Variants in KRT14 observed in about 807,000 individuals in gnomAD.
KRT14 encodes keratin, type I cytoskeletal 14.
A neutral mutation model predicts 44.5 loss-of-function variants in KRT14; 30 were observed. The observed-to-expected ratio is 0.67, with a 90% CI of 0.50 to 0.92. The LOEUF (loss-of-function observed/expected upper bound fraction) is 0.92. KRT14 is among the 40% of genes least tolerant of loss of function. KRT14 has a pLI of 0.00. For synonymous variants in KRT14, 241 were observed against 257.6 expected, an observed-to-expected ratio of 0.94 and a Z score of 0.62; for missense variants, 535 against 640.6, an observed-to-expected ratio of 0.84 and a Z score of 1.78.
chr17:41,586,195 G>T, intron 1 of KRT14, 115 bp downstream of exon 1: 1 of 1,360,394 alleles, frequency 7.4e-7, no homozygotes, highest in Non-Finnish European at 1.0e-6. Flanking sequence ...CGAAAGAAGG[G>T]ATCTGGGGTG....
chr17:41,582,699 C>A lies in KRT14; in HGVS notation c.1322-167G>T, dbSNP rs1907375395. ...TGCCCAAGCACTGATACCATCAACA[C>A]ATTTCTTTCAGACGAGGGCTCCCAA... is the stretch of plus-strand genomic sequence containing the variant. On this transcript the variant is annotated intron_variant, in intron 7 of 7. Coordinates refer to ENST00000167586, the MANE Select transcript of KRT14 (RefSeq NM_000526.5). The A allele has an allele frequency of 1.7e-5, 11 of 660,946 alleles. No homozygotes were observed. In the South Asian group the frequency reaches 1.9e-4, roughly 12 times the overall value. The allele number at this position is 660,946 out of a possible 1,614,324, so 40.9% of individuals were successfully genotyped here.
At chr17:41,584,708 A>C (rs1212564333) in intron 2 of KRT14, among the ~76,000 whole-genome samples, 1 of 152,154 alleles carries the variant, frequency 6.6e-6, no homozygotes, top group East Asian at 1.9e-4. Flanking sequence ...CCTATACTTC[A>C]AGGGCAGCTG....
chr17:41,583,324 G>A lies in KRT14; in HGVS notation c.1185C>T (p.Asn395=). Reference sequence around the variant, plus strand: ...CGTCCAGCAGGATCTTGTACTCCTGGTTCTGCTGCTCCATCTCGCAGCGGA... The same window carrying A: ...CGTCCAGCAGGATCTTGTACTCCTGATTCTGCTGCTCCATCTCGCAGCGGA... ...AQLRCEMEQQ[N]QEYKILLDVK... is the part of the protein sequence containing the mutation. The change falls in exon 6 of 8, where the codon AAC becomes AAT. Residue 395 remains asparagine (N), a synonymous_variant. Coordinates refer to ENST00000167586, the MANE Select transcript of KRT14 (RefSeq NM_000526.5). 6.2e-7 allele frequency: 1 copy of A among 1,613,764 alleles called. No individual in the cohort carries two copies. Among genetic ancestry groups the A allele is most frequent in the Admixed American group, 1.7e-5 (1 of 60,026 alleles).
At chr17:41,585,933 G>C (rs1464261091) in intron 1 of KRT14, among the ~76,000 whole-genome samples, 1 of 152,240 alleles carries the variant, frequency 6.6e-6, no homozygotes, top group Non-Finnish European at 1.5e-5. Flanking sequence ...CCCCTGTGCT[G>C]GAGAACAAGT....
chr17:41,583,200 G>C (rs753918072), intron 6 of KRT14, 35 bp downstream of exon 6: 3 of 1,599,180 alleles, frequency 1.9e-6, no homozygotes, highest in Admixed American at 3.4e-5. Context: ...AGAGTGCCAT[G>C]GGGGGGGCGG....
rs773920224 is a variant in KRT14 at position 41,583,365 on chromosome 17, C to T, written c.1144G>A (p.Glu382Lys). 2.1e-5 allele frequency: 34 copies of T among 1,613,576 alleles called. No individual in the cohort carries two copies. Among genetic ancestry groups the T allele is most frequent in the Non-Finnish European group, 2.8e-5 (33 of 1,180,012 alleles). ...TCGCAGCGGAGCTGGGCCAGCTGCT[C>T]CTCCACGCTGCCAATCATCTCCTGG... ...QIQEMIGSVE[E>K]QLAQLRCEME... The change falls in exon 6 of 8, where the codon GAG (glutamate) becomes AAG (lysine). Residue 382 changes from glutamate to lysine, a missense_variant. Glu to Lys is a moderately conservative substitution (Grantham distance 56, BLOSUM62 1). Coordinates refer to ENST00000167586, the MANE Select transcript of KRT14 (RefSeq NM_000526.5).
rs1252105996 is a variant in KRT14 at position 41,586,473 on chromosome 17, T to C, written c.362A>G (p.Asn121Ser). ...GTAGGAGGCCAGGCGGTCATTGAGG[T>C]TCTGCATGGTCACCTTCTCACTGCC... ...LVGSEKVTMQ[N>S]LNDRLASYLD... The change falls in exon 1 of 8, where the codon AAC becomes AGC. Residue 121 changes from asparagine (N) to serine (S), a missense_variant. Asn to Ser is a conservative substitution (Grantham distance 46). Transcript: ENST00000167586. 1.9e-6 allele frequency: 3 copies of C among 1,613,934 alleles called. No individual in the cohort carries two copies. Among genetic ancestry groups the C allele is most frequent in the Non-Finnish European group, 2.5e-6 (3 of 1,179,974 alleles).
At chr17:41,582,633 C>G (rs1907374103) in intron 7 of KRT14, 101 bp from the exon 8 acceptor site, 2 of 886,250 alleles carry the variant, frequency 2.3e-6, no homozygotes, top group Admixed American at 4.0e-5. Context: ...AACTGGCTCC[C>G]CATTGCCCTC....
At chr17:41,584,112 C>A in intron 3 of KRT14, 145 bp downstream of exon 3, 2 of 627,970 alleles carry the variant, frequency 3.2e-6, no homozygotes, top group Non-Finnish European at 5.3e-6. Flanking sequence ...CAGGGTCTAG[C>A]CTTGTTGCCC....
chr17:41,583,797 T>C lies in KRT14; in HGVS notation c.890A>G (p.Lys297Arg). 6.2e-7 allele frequency: 1 copy of C among 1,614,256 alleles called. No homozygotes were observed. The highest frequency in any genetic ancestry group is 8.5e-7 in the Non-Finnish European group (1 of 1,180,046). The change falls in exon 4 of 8, where the codon AAG (lysine) becomes AGG (arginine). Residue 297 changes from lysine (K) to arginine (R), a missense_variant. Physicochemically the swap from Lys to Arg is conservative, Grantham distance 26. Transcript: ENST00000167586. ...MRDQYEKMAE[K>R]NRKDAEEWFF... Reference sequence around the variant, plus strand: ...CCATTCCTCGGCATCCTTGCGGTTCTTCTCTGCCATCTTCTCATACTGGTC... The same window carrying C: ...CCATTCCTCGGCATCCTTGCGGTTCCTCTCTGCCATCTTCTCATACTGGTC...
intron 3 of KRT14, 112 bp from the exon 4 acceptor site, chr17:41,584,033 TTCTCTC>T (rs1162984156): frequency 1.0e-5 from 8 of 793,276 alleles, no homozygotes; most frequent in African/African-American, 5.8e-5. Context: ...CGACTCTCCC[TTCTCTC>T]TCTCTCTCTC....
At chr17:41,585,969 G>A (rs572124004) in intron 1 of KRT14, among the ~76,000 whole-genome samples, 1 of 152,354 alleles carries the variant, frequency 6.6e-6, no homozygotes, top group South Asian at 2.1e-4. Context: ...TGGAAGGTAG[G>A]GCACAAGGGC....
At chr17:41,585,744 T>G (rs1907504208) in intron 1 of KRT14, among the ~76,000 whole-genome samples, 1 of 152,236 alleles carries the variant, frequency 6.6e-6, no homozygotes, top group Non-Finnish European at 1.5e-5. Context: ...CCAGGCTCTC[T>G]CTGTGCAGGG....
At position 41,586,709 on chromosome 17, in the gene KRT14, G is replaced by T; in HGVS notation, c.126C>A (p.Ala42=). ...SSVLAGGSCR[A]PSTYGGGLSV... is the part of the protein sequence containing the mutation. Reference sequence around the variant, plus strand: ...ACAGGCCGCCCCCGTAGGTGCTGGGGGCGCGGCAGGACCCTCCGGCCAGGA... The same window carrying T: ...ACAGGCCGCCCCCGTAGGTGCTGGGTGCGCGGCAGGACCCTCCGGCCAGGA... Residue 42 remains alanine, a synonymous_variant, in exon 1 of 8, where the codon GCC becomes GCA. Coordinates refer to ENST00000167586, the MANE Select transcript of KRT14 (RefSeq NM_000526.5). The T allele has an allele frequency of 1.4e-5, 23 of 1,590,238 alleles. No individual in the cohort carries two copies. The highest frequency in any genetic ancestry group is 2.0e-5 in the Non-Finnish European group (23 of 1,168,940).
In KRT14 at chr17:41,582,452, G is replaced by T; in HGVS notation, c.1402C>A (p.Leu468Ile). Reference sequence around the variant, plus strand: ...GGGCAGCCTCAGTTCTTGGTGCGAAGGACCTGCTCGTGGGTGGACACCACC... The same window carrying T: ...GGGCAGCCTCAGTTCTTGGTGCGAATGACCTGCTCGTGGGTGGACACCACC... ...GKVVSTHEQV[L>I]RTKN Residue 468 changes from leucine (L) to isoleucine (I), a missense_variant, in exon 8 of 8, where the codon CTT (leucine) becomes ATT (isoleucine). Leu to Ile is a conservative substitution (Grantham distance 5). Coordinates refer to ENST00000167586, the MANE Select transcript of KRT14 (RefSeq NM_000526.5). 1.9e-6 allele frequency: 3 copies of T among 1,567,752 alleles called. No homozygotes were observed. The highest frequency in any genetic ancestry group is 2.6e-6 in the Non-Finnish European group (3 of 1,156,360).
Position 41,582,349 on chromosome 17 carries a change from G to C in KRT14, c.*86C>G. ...TGAGGGTGAAGCAGGGTCCAGCTGT[G>C]AAGTGCTTGGGCAGGAGAGGGGATC... On this transcript the variant is annotated 3_prime_UTR_variant, in exon 8 of 8. Transcript: ENST00000167586. 1 of 994,982 alleles carries C rather than the reference G, an allele frequency of 1.0e-6. No homozygotes were observed. Among genetic ancestry groups the C allele is most frequent in the East Asian group, 2.6e-5 (1 of 38,196 alleles). 61.6% of individuals were successfully genotyped at this position (994,982 alleles called of 1,614,324 possible).
chr17:41,583,220 AGGGCCAAGACTCACT>A lies in KRT14; in HGVS notation c.1274_1274+14del. The stretch of plus-strand genomic sequence containing the variant: ...GCCATGGGGGGGGCGGACTAAGGGG[AGGGCCAAGACTCACT>A]GGGCGTCCTCGCCCTCCAGCAGGCG... On this transcript the variant is annotated splice_donor_variant and splice_donor_5th_base_variant and coding_sequence_variant and intron_variant, in exon 6 of 8. Coordinates refer to ENST00000167586, the MANE Select transcript of KRT14 (RefSeq NM_000526.5). LOFTEE classifies it high-confidence loss of function. 1 of 1,612,804 alleles carries A rather than the reference AGGGCCAAGACTCACT, an allele frequency of 6.2e-7. No individual in the cohort carries two copies. The highest frequency in any genetic ancestry group is 8.5e-7 in the Non-Finnish European group (1 of 1,179,748).
intron 7 of KRT14, 65 bp downstream of exon 7, chr17:41,583,029 C>T (rs1907383462): frequency 6.6e-6 from 10 of 1,505,704 alleles, no homozygotes; most frequent in Non-Finnish European, 6.5e-6. Flanking sequence ...CTAGCCAATG[C>T]CTAGACCTGC....
rs58762773 is a variant in KRT14 at position 41,583,245 on chromosome 17, C to T, written c.1264G>A (p.Glu422Lys). The change falls in exon 6 of 8, where the codon GAG (glutamate) becomes AAG (lysine). Residue 422 changes from glutamate (E) to lysine (K), a missense_variant. Coordinates refer to ENST00000167586, the MANE Select transcript of KRT14 (RefSeq NM_000526.5). ...IATYRRLLEG[E>K]DAHLSSSQFS... ...AGGGCCAAGACTCACTGGGCGTCCT[C>T]GCCCTCCAGCAGGCGGCGGTAGGTG... The T allele has an allele frequency of 4.3e-6, 7 of 1,613,320 alleles. No homozygotes were observed. The highest frequency in any genetic ancestry group is 2.7e-5 in the African/African-American group (2 of 74,860).
Sources: allele counts gnomAD v4.1 joint callset (sites outside exome capture counted in the v4.1 genomes callset), GRCh38; gene constraint gnomAD v4.1.1; transcripts MANE v1.5; gene names NCBI Gene and HGNC (gene_info 2026-07-23, HGNC 2026-07-21).